EIF3H: variants seen among roughly 807,000 people sequenced by gnomAD.
The protein encoded by EIF3H is eukaryotic translation initiation factor 3 subunit H.
EIF3H carries 26 observed loss-of-function variants against 44.2 expected under a neutral mutation model. The observed-to-expected ratio is 0.59, with a 90% confidence interval of 0.43 to 0.82. EIF3H has a LOEUF of 0.82. EIF3H is among the 40% of genes least tolerant of loss of function. EIF3H has a pLI of 0.00. For missense variants in EIF3H, 359 were observed against 432.8 expected, an observed-to-expected ratio of 0.83 and a Z score of 1.51; for synonymous variants, 166 against 151.9, an observed-to-expected ratio of 1.09 and a Z score of -0.68.
At chr8:116,714,029 T>C (rs1180431629) in intron 2 of EIF3H, among the ~76,000 whole-genome samples, 6 of 152,132 alleles carry the variant, frequency 3.9e-5, no homozygotes, top group Non-Finnish European at 8.8e-5. Context: ...AGAACTTTCA[T>C]GTATAAAAAC....
chr8:116,651,923 T>A (rs1270822083), intron 5 of EIF3H, among the ~76,000 whole-genome samples: 1 of 152,162 alleles, frequency 6.6e-6, no homozygotes, highest in Non-Finnish European at 1.5e-5. Context: ...CTAATTTGCA[T>A]TTAGCAAGAT....
chr8:116,655,148 A>G (rs891025138), intron 5 of EIF3H, among the ~76,000 whole-genome samples: 3 of 152,012 alleles, frequency 2.0e-5, no homozygotes, highest in Non-Finnish European at 2.9e-5. Context: ...GGAGCTATAC[A>G]TGTGGCTCTA....
At chr8:116,681,987 A>G (rs1323204867) in intron 2 of EIF3H, among the ~76,000 whole-genome samples, 1 of 152,230 alleles carries the variant, frequency 6.6e-6, no homozygotes, top group African/African-American at 2.4e-5. Context: ...CAGTAACGGA[A>G]GTATTTCAAG....
At chr8:116,674,486 C>T (rs1813814192) in intron 2 of EIF3H, among the ~76,000 whole-genome samples, 1 of 152,140 alleles carries the variant, frequency 6.6e-6, no homozygotes, top group African/African-American at 2.4e-5. Context: ...TATGTCATAA[C>T]TCAACACAAT....
At chr8:116,727,395 C>A (rs1814863277) in intron 1 of EIF3H, among the ~76,000 whole-genome samples, 1 of 152,210 alleles carries the variant, frequency 6.6e-6, no homozygotes, top group Non-Finnish European at 1.5e-5. Context: ...AAGAAATTTA[C>A]CTGCACAAAA....
rs541198351 is a variant in EIF3H, at chr8:116,719,682, A to T, written c.289+6334T>A. On this transcript the variant is annotated intron_variant, in intron 2 of 7. Transcript: ENST00000521861. ...TGGAGAGATCAATGCAAATATTTTTAAAAAAAGAATATATGGGTTAGGTGA... is the reference window on the plus strand; with the variant it reads ...TGGAGAGATCAATGCAAATATTTTTTAAAAAAGAATATATGGGTTAGGTGA... Among the ~76,000 whole-genome samples the T allele has an allele frequency of 1.2e-3, 179 of 152,298 alleles. 1 individual carries two copies. The highest frequency in any genetic ancestry group is 3.0e-3 in the African/African-American group (124 of 41,566).
At chr8:116,703,084 TA>T (rs1814406182) in intron 2 of EIF3H, among the ~76,000 whole-genome samples, 1 of 152,166 alleles carries the variant, frequency 6.6e-6, no homozygotes, top group Non-Finnish European at 1.5e-5. Context: ...AGAAGATACT[TA>T]AAATAAGAAT....
At chr8:116,711,956 C>T (rs1435842401) in intron 2 of EIF3H, among the ~76,000 whole-genome samples, 2 of 91,092 alleles carry the variant, frequency 2.2e-5, no homozygotes, top group South Asian at 3.4e-4. Flanking sequence ...AAGTGCCCAG[C>T]ACACAGTTTC....
intron 1 of EIF3H, among the ~76,000 whole-genome samples, chr8:116,746,553 G>A (rs978857681): frequency 4.6e-5 from 7 of 152,188 alleles, no homozygotes; most frequent in African/African-American, 1.7e-4. Flanking sequence ...GGCTAGATGT[G>A]ATCTGAATTC....
intron 2 of EIF3H, among the ~76,000 whole-genome samples, chr8:116,715,088 T>G (rs1413446386): frequency 1.3e-5 from 2 of 152,012 alleles, no homozygotes; most frequent in African/African-American, 4.8e-5. Context: ...ACAAACTTAT[T>G]CTCTCCAACC....
At chr8:116,660,954 CA>C (rs1813576830) in intron 2 of EIF3H, among the ~76,000 whole-genome samples, 1 of 152,180 alleles carries the variant, frequency 6.6e-6, no homozygotes, top group Non-Finnish European at 1.5e-5. Flanking sequence ...GCCGAAAAAG[CA>C]GTATGAAATA....
intron 2 of EIF3H, among the ~76,000 whole-genome samples, chr8:116,720,389 T>A (rs573207160): frequency 2.6e-5 from 4 of 152,332 alleles, no homozygotes; most frequent in African/African-American, 9.6e-5. Context: ...TGCCACCATC[T>A]AAGACATGTC....
chr8:116,736,011 A>T (rs1815032515), intron 1 of EIF3H, among the ~76,000 whole-genome samples: 1 of 152,216 alleles, frequency 6.6e-6, no homozygotes, highest in African/African-American at 2.4e-5. Context: ...GCAATTAGGG[A>T]TGTTCAACCT....
chr8:116,746,383 GATA>G (rs1354149876), intron 1 of EIF3H, among the ~76,000 whole-genome samples: 1 of 152,154 alleles, frequency 6.6e-6, no homozygotes, highest in Non-Finnish European at 1.5e-5. Flanking sequence ...ATAAAATAGG[GATA>G]ATGATGGTTC....
At chr8:116,752,670 A>AAGAG (rs1468363977) in intron 1 of EIF3H, among the ~76,000 whole-genome samples, 2 of 18,126 alleles carry the variant, frequency 1.1e-4, no homozygotes, top group African/African-American at 3.5e-4. Flanking sequence ...GAAATGAAGA[A>AAGAG]AGAAAGAAAG....
At chr8:116,695,502 T>TCAAA (rs1460327241) in intron 2 of EIF3H, among the ~76,000 whole-genome samples, 1 of 152,116 alleles carries the variant, frequency 6.6e-6, no homozygotes, top group East Asian at 1.9e-4. Context: ...AAGTAGGGTA[T>TCAAA]CAAAGTAGGA....
At chr8:116,657,409 A>C in intron 3 of EIF3H, 95 bp from the exon 4 acceptor site, 2 of 858,908 alleles carry the variant, frequency 2.3e-6, no homozygotes, top group Non-Finnish European at 3.7e-6. Flanking sequence ...CATATCGCAC[A>C]ATCTTTGCAA....
chr8:116,681,684 A>T (rs1813991947), intron 2 of EIF3H, among the ~76,000 whole-genome samples: 2 of 151,840 alleles, frequency 1.3e-5, no homozygotes, highest in Admixed American at 1.3e-4. Context: ...AAAAAAAAAA[A>T]ATCTAAAATT....
intron 2 of EIF3H, among the ~76,000 whole-genome samples, chr8:116,662,008 G>A (rs1813593699): frequency 6.6e-6 from 1 of 152,114 alleles, no homozygotes; most frequent in African/African-American, 2.4e-5. Flanking sequence ...CTCTTCCATG[G>A]TTTAGAATAT....
Sources: allele counts gnomAD v4.1 joint callset (sites outside exome capture counted in the v4.1 genomes callset), GRCh38; gene constraint gnomAD v4.1.1; transcripts MANE v1.5; gene names NCBI Gene and HGNC (gene_info 2026-07-23, HGNC 2026-07-21).